The following DLG2 variants were observed in gnomAD, a reference collection of about 807,000 sequenced individuals.
The protein encoded by DLG2 is disks large homolog 2.
DLG2 carries 45 observed loss-of-function variants against 132.5 expected under a neutral mutation model. The ratio of observed to expected loss-of-function variants is 0.34; its 90% CI spans 0.27 to 0.44. DLG2 has a LOEUF of 0.44. Among genes scored for constraint, DLG2 ranks in the 20% least tolerant of loss-of-function variants. The probability of loss-of-function intolerance (pLI) is 1.00; values close to 1 mark genes in which losing one functional copy is unlikely to be tolerated. For missense variants in DLG2, 1,045 were observed against 1,196.9 expected, an observed-to-expected ratio of 0.87 and a Z score of 1.87; for synonymous variants, 424 against 419.6, an observed-to-expected ratio of 1.01 and a Z score of -0.13.
chr11:85,338,141 T>C (rs1012485327), intron 3 of DLG2, among the ~76,000 whole-genome samples: 1 of 152,168 alleles, frequency 6.6e-6, no homozygotes, highest in African/African-American at 2.4e-5. Context: ...GAGTTAATAG[T>C]AGAGAATGTT....
chr11:85,103,134 G>A (rs2071142675), intron 6 of DLG2, among the ~76,000 whole-genome samples: 1 of 151,904 alleles, frequency 6.6e-6, no homozygotes, highest in South Asian at 2.1e-4. Context: ...CTAATAAATG[G>A]AAGGACATTC....
At chr11:83,858,889 A>G (rs1355678422) in intron 16 of DLG2, among the ~76,000 whole-genome samples, 1 of 152,224 alleles carries the variant, frequency 6.6e-6, no homozygotes, top group East Asian at 1.9e-4. Context: ...ACAAATGCAT[A>G]AAAATGATGA....
At chr11:83,729,574 C>A (rs1320712011) in intron 18 of DLG2, among the ~76,000 whole-genome samples, 1 of 152,174 alleles carries the variant, frequency 6.6e-6, no homozygotes, top group East Asian at 1.9e-4. Flanking sequence ...AATCACATCA[C>A]CTTGCATTAA....
At chr11:84,766,780 A>G (rs897552055) in intron 6 of DLG2, among the ~76,000 whole-genome samples, 10 of 152,086 alleles carry the variant, frequency 6.6e-5, no homozygotes, top group South Asian at 2.1e-4. Flanking sequence ...CCCATGCTTT[A>G]AGATGTTTAT....
In DLG2 at chr11:84,907,667, C is replaced by T. The variant is rs534253202; in HGVS notation, c.357+203994G>A. Among the ~76,000 whole-genome samples the T allele has an allele frequency of 7.4e-4, 113 of 152,194 alleles. 1 individual carries two copies. In the Middle Eastern group the frequency reaches 0.01, roughly 14 times the overall value. On this transcript the variant is annotated intron_variant, in intron 6 of 27. Transcript: ENST00000376104. ...TATACTAGTACATAATTTTGAAAGT[C>T]AAATAAGGGTTCTCCTCTGGGACCA...
In DLG2 at chr11:84,122,047, G is replaced by T. The variant is rs568275251; in HGVS notation, c.625-23000C>A. 4.8e-4 allele frequency among the ~76,000 whole-genome samples: 73 copies of T among 151,976 alleles called. No homozygotes were observed. In the South Asian group the frequency reaches 0.013, roughly 27 times the overall value. On this transcript the variant is annotated intron_variant, in intron 9 of 27. Transcript: ENST00000376104. ...GGTGAAAAATAATTCTGGGCTGGGT[G>T]CGGTGGCTCATGCCTGTAATTCCAG...
chr11:84,862,830 T>TG (rs2083957989), intron 6 of DLG2, among the ~76,000 whole-genome samples: 1 of 47,728 alleles, frequency 2.1e-5, no homozygotes, highest in Non-Finnish European at 3.9e-5. Flanking sequence ...GGGGGGGGGG[T>TG]GGGGGACTAG....
intron 17 of DLG2, 85 bp from the exon 18 acceptor site, chr11:83,786,877 G>C: frequency 1.8e-6 from 2 of 1,112,110 alleles, no homozygotes; most frequent in Non-Finnish European, 2.7e-6. Context: ...AAACCAGGCT[G>C]TCTAACATTA....
At chr11:84,364,492 T>C (rs187675120) in intron 7 of DLG2, among the ~76,000 whole-genome samples, 32 of 152,304 alleles carry the variant, frequency 2.1e-4, no homozygotes, top group Admixed American at 1.9e-3. Context: ...CCTAACTGAA[T>C]ACCCTTTATT....
chr11:84,045,916 G>C (rs929460705), intron 11 of DLG2, among the ~76,000 whole-genome samples: 3 of 151,392 alleles, frequency 2.0e-5, no homozygotes, highest in Non-Finnish European at 4.4e-5. Flanking sequence ...TGTAGCCGTA[G>C]AAAGCAAAAA....
intron 6 of DLG2, among the ~76,000 whole-genome samples, chr11:84,550,552 G>T (rs77423021): frequency 0.037 from 5,697 of 152,216 alleles, 111 homozygotes; most frequent in Middle Eastern, 0.061. Flanking sequence ...TGTGAAATTG[G>T]CACTTGCCTA....
chr11:84,483,547 C>T (rs2099143432), intron 7 of DLG2, among the ~76,000 whole-genome samples: 1 of 151,482 alleles, frequency 6.6e-6, no homozygotes, highest in Non-Finnish European at 1.5e-5. Flanking sequence ...CGTTCTGATA[C>T]AATTAATAGC....
intron 19 of DLG2, among the ~76,000 whole-genome samples, chr11:83,584,449 G>A (rs754154408): frequency 9.2e-5 from 14 of 152,166 alleles, no homozygotes; most frequent in Non-Finnish European, 1.9e-4. Flanking sequence ...ATAACTTAAG[G>A]TCTATGTGCC....
intron 7 of DLG2, among the ~76,000 whole-genome samples, chr11:84,451,240 AG>A (rs1287844721): frequency 6.6e-6 from 1 of 151,884 alleles, no homozygotes; most frequent in Non-Finnish European, 1.5e-5. Context: ...CTAATATTAT[AG>A]GCTGCATCTA....
intron 15 of DLG2, among the ~76,000 whole-genome samples, chr11:83,882,547 T>C (rs181012044): frequency 4.3e-4 from 65 of 152,334 alleles, no homozygotes; most frequent in African/African-American, 1.5e-3. Flanking sequence ...CAGTCAGCAA[T>C]GACGTGGTGA....
intron 15 of DLG2, among the ~76,000 whole-genome samples, chr11:83,923,226 A>T (rs1462571060): frequency 6.6e-6 from 1 of 152,146 alleles, no homozygotes; most frequent in East Asian, 1.9e-4. Flanking sequence ...AATAGAATAC[A>T]CATATGGGAA....
chr11:84,902,977 A>G (rs1174647522), intron 6 of DLG2, among the ~76,000 whole-genome samples: 1 of 152,038 alleles, frequency 6.6e-6, no homozygotes, highest in African/African-American at 2.4e-5. Context: ...AGTTATTTTC[A>G]TAGGTCAAGC....
At chr11:84,814,669 T>C (rs2076917967) in intron 6 of DLG2, among the ~76,000 whole-genome samples, 1 of 152,074 alleles carries the variant, frequency 6.6e-6, no homozygotes, top group Admixed American at 6.6e-5. Flanking sequence ...TTTGTTCCTC[T>C]GCTTAGAAGG....
At chr11:84,323,629 G>A (rs1599868145) in intron 7 of DLG2, among the ~76,000 whole-genome samples, 1 of 151,470 alleles carries the variant, frequency 6.6e-6, no homozygotes, top group East Asian at 1.9e-4. Flanking sequence ...GTTTCCCATA[G>A]CAACCGTACC....
Sources: gnomAD v4.1 joint callset for allele counts (sites outside exome capture counted in the v4.1 genomes callset) on GRCh38, gnomAD v4.1.1 for gene constraint, MANE v1.5 for transcripts, NCBI Gene and HGNC (gene_info 2026-07-23, HGNC 2026-07-21) for gene names.